SCAMP2: variants seen among roughly 807,000 people sequenced by gnomAD.
SCAMP2 encodes the protein secretory carrier-associated membrane protein 2.
A neutral mutation model predicts 44.1 loss-of-function variants in SCAMP2; 25 were observed. That is an observed-to-expected ratio of 0.57 (90% CI 0.41 to 0.79). The LOEUF (loss-of-function observed/expected upper bound fraction) is 0.79. SCAMP2 is among the 30% of genes least tolerant of loss of function. SCAMP2 has a pLI of 0.00. For missense variants in SCAMP2, 355 were observed against 411.0 expected, an observed-to-expected ratio of 0.86 and a Z score of 1.18; for synonymous variants, 156 against 166.0, an observed-to-expected ratio of 0.94 and a Z score of 0.46.
At chr15:74,855,122 G>A (rs377648926) in intron 1 of SCAMP2, among the ~76,000 whole-genome samples, 1 of 148,068 alleles carries the variant, frequency 6.8e-6, no homozygotes, top group East Asian at 2.0e-4. Flanking sequence ...TTATTTTTTC[G>A]AGACAGAGTC....
intron 4 of SCAMP2, among the ~76,000 whole-genome samples, chr15:74,851,737 T>C (rs1391942170): frequency 2.0e-5 from 3 of 152,184 alleles, no homozygotes; most frequent in Admixed American, 2.0e-4. Flanking sequence ...GCCTAAGTGA[T>C]TATTTTTATT....
At chr15:74,845,637 G>C (rs773747408) in intron 7 of SCAMP2, 44 bp from the exon 8 acceptor site, 3 of 1,610,090 alleles carry the variant, frequency 1.9e-6, no homozygotes, top group Non-Finnish European at 1.7e-6. Flanking sequence ...GTGGGAGTGG[G>C]CTCCAAAAGT....
At chr15:74,861,814 T>C (rs1325479618) in intron 1 of SCAMP2, among the ~76,000 whole-genome samples, 1 of 140,088 alleles carries the variant, frequency 7.1e-6, no homozygotes, top group African/African-American at 2.7e-5. Context: ...GGTGGGAGAA[T>C]GGTGTGAACC....
intron 6 of SCAMP2, among the ~76,000 whole-genome samples, chr15:74,849,739 C>T (rs912937555): frequency 6.6e-6 from 1 of 152,070 alleles, no homozygotes; most frequent in Admixed American, 6.6e-5. Flanking sequence ...GCGAGACTCC[C>T]TCTCAAAACA....
At chr15:74,869,713 T>G (rs2064563078) in intron 1 of SCAMP2, among the ~76,000 whole-genome samples, 1 of 151,774 alleles carries the variant, frequency 6.6e-6, no homozygotes, top group Non-Finnish European at 1.5e-5. Flanking sequence ...CTCTTAACAG[T>G]CAACTATGAG....
At chr15:74,864,972 A>C (rs1223967990) in intron 1 of SCAMP2, among the ~76,000 whole-genome samples, 1 of 149,328 alleles carries the variant, frequency 6.7e-6, no homozygotes, top group African/African-American at 2.5e-5. Flanking sequence ...CTGCAATCCC[A>C]GCTACTCAGG....
chr15:74,853,102 C>T lies in SCAMP2; in HGVS notation c.226-916G>A, dbSNP rs138436288. 67 of 296,486 alleles carry T rather than the reference C, an allele frequency of 2.3e-4. 2 individuals are homozygous for T. Among genetic ancestry groups the T allele is most frequent in the South Asian group, 1.7e-3 (60 of 35,124 alleles). The allele number at this position is 296,486 out of a possible 1,614,324, so 18.4% of individuals were successfully genotyped here. A position where few individuals can be genotyped will look rare whatever the true frequency, so the allele number is the denominator to read the frequency against. On this transcript the variant is annotated intron_variant, in intron 3 of 8. Transcript: ENST00000268099. ...AAGCTCTTCAAAGACCTAAGGCTGACGTGGAGAGCCAAGTTTCAGGCACTG... is the reference window on the plus strand; with the variant it reads ...AAGCTCTTCAAAGACCTAAGGCTGATGTGGAGAGCCAAGTTTCAGGCACTG...
intron 1 of SCAMP2, among the ~76,000 whole-genome samples, chr15:74,871,126 C>T (rs1391296902): frequency 6.6e-6 from 1 of 152,086 alleles, no homozygotes; most frequent in Admixed American, 6.6e-5. Flanking sequence ...AAAGATCATC[C>T]CTGTGCTCTC....
At chr15:74,853,993 A>C (rs1596416337) in intron 3 of SCAMP2, 28 bp downstream of exon 3, 1 of 1,583,034 alleles carries the variant, frequency 6.3e-7, no homozygotes, top group East Asian at 2.2e-5. Flanking sequence ...ACTGGAGAGA[A>C]AAGGCCAGAG....
chr15:74,859,707 C>T (rs2064490600), intron 1 of SCAMP2, among the ~76,000 whole-genome samples: 1 of 151,416 alleles, frequency 6.6e-6, no homozygotes, highest in African/African-American at 2.4e-5. Context: ...ATCTCCACCT[C>T]CCAGGTTGAA....
intron 1 of SCAMP2, among the ~76,000 whole-genome samples, chr15:74,856,619 G>T (rs1410911968): frequency 1.3e-5 from 2 of 149,916 alleles, no homozygotes; most frequent in Non-Finnish European, 1.5e-5. Context: ...TTAGAGACAG[G>T]GTCTCACTCT....
chr15:74,861,344 G>A (rs1052094633), intron 1 of SCAMP2, among the ~76,000 whole-genome samples: 6 of 152,050 alleles, frequency 3.9e-5, no homozygotes, highest in Admixed American at 1.3e-4. Context: ...TGGCTAGCTG[G>A]GTCCCAGTGC....
chr15:74,869,565 C>A (rs2141183346), intron 1 of SCAMP2, among the ~76,000 whole-genome samples: 1 of 152,316 alleles, frequency 6.6e-6, no homozygotes, highest in Non-Finnish European at 1.5e-5. Flanking sequence ...ACAGCCCTGT[C>A]CTGGGAATGA....
chr15:74,846,673 G>A (rs546721396), intron 7 of SCAMP2, among the ~76,000 whole-genome samples: 211 of 152,300 alleles, frequency 1.4e-3, no homozygotes, highest in Middle Eastern at 6.8e-3. Context: ...GCTGAGGCAG[G>A]AGAATGGCGT....
chr15:74,871,634 C>T (rs565837994), intron 1 of SCAMP2, among the ~76,000 whole-genome samples: 4 of 152,076 alleles, frequency 2.6e-5, no homozygotes, highest in Non-Finnish European at 5.9e-5. Context: ...TGCCTGTAAT[C>T]CTAGCTACTC....
At chr15:74,853,724 G>A (rs1006631716) in intron 3 of SCAMP2, 5 of 489,936 alleles carry the variant, frequency 1.0e-5, no homozygotes, top group African/African-American at 9.7e-5. Flanking sequence ...GGCCCGAGGA[G>A]GACCTGGAGG....
rs1031091063 is a variant in SCAMP2 at position 74,855,173 on chromosome 15, G to C, written c.58-524C>G. Among the ~76,000 whole-genome samples the C allele has an allele frequency of 1.4e-4, 21 of 151,796 alleles. 1 individual carries two copies. Among genetic ancestry groups the C allele is most frequent in the Admixed American group, 1.3e-3 (20 of 15,258 alleles). On this transcript the variant is annotated intron_variant, in intron 1 of 8. Transcript: ENST00000268099. Reference sequence around the variant, plus strand: ...GGCTGGAGTGCAGTGGCGCAATCTTGGCTCACTGCAACCTTCGCCTCCTGG... The same window carrying C: ...GGCTGGAGTGCAGTGGCGCAATCTTCGCTCACTGCAACCTTCGCCTCCTGG...
Position 74,851,380 on chromosome 15 carries a change from A to C in SCAMP2, c.445T>G (p.Cys149Gly). 1 of 1,614,100 alleles carries C rather than the reference A, an allele frequency of 6.2e-7. No individual in the cohort carries two copies. The highest frequency in any genetic ancestry group is 1.7e-5 in the Admixed American group (1 of 60,010). ...ATCCACAGATAGTAGAGCATCTTGC[A>C]TATCCGCTGGTAGTCGGCAGGGATC... ...TEIPADYQRI[C>G]KMLYYLWMLH... The change falls in exon 5 of 9, where the codon TGC (cysteine) becomes GGC (glycine). Residue 149 changes from cysteine (C) to glycine (G), a missense_variant. Physicochemically the swap from Cys to Gly is radical, Grantham distance 159 (BLOSUM62 -3). Transcript: ENST00000268099.
intron 1 of SCAMP2, among the ~76,000 whole-genome samples, chr15:74,865,627 T>G (rs1244415967): frequency 6.6e-6 from 1 of 151,340 alleles, no homozygotes; most frequent in Non-Finnish European, 1.5e-5. Context: ...GAGATCTAGA[T>G]CTGGGATCGC....
Sources: allele counts gnomAD v4.1 joint callset (sites outside exome capture counted in the v4.1 genomes callset), GRCh38; gene constraint gnomAD v4.1.1; transcripts MANE v1.5; gene names NCBI Gene and HGNC (gene_info 2026-07-23, HGNC 2026-07-21).